The following CNBD1 variants were observed in gnomAD, a reference collection of about 807,000 sequenced individuals.
CNBD1 encodes cyclic nucleotide-binding domain-containing protein 1.
In CNBD1, 71 loss-of-function variants were observed where a neutral mutation model predicts 54.4. The ratio of observed to expected loss-of-function variants is 1.30; its 90% CI spans 1.08 to 1.59. CNBD1 has a LOEUF of 1.59. Ranked by LOEUF, CNBD1 falls within the 40% of genes most tolerant of loss-of-function variation. The pLI, the probability that CNBD1 is intolerant of heterozygous loss-of-function variation, is 0.00. For missense variants in CNBD1, 659 were observed against 518.0 expected (o/e 1.27, Z -2.64); for synonymous variants, 182 against 170.7 (o/e 1.07, Z -0.51).
At chr8:86,989,773 T>C (rs1272558711) in intron 4 of CNBD1, among the ~76,000 whole-genome samples, 2 of 152,262 alleles carry the variant, frequency 1.3e-5, no homozygotes, top group South Asian at 2.1e-4. Flanking sequence ...TATACTGTTC[T>C]TTATAGTGCT....
chr8:87,317,622 T>A (rs888854007), intron 8 of CNBD1, among the ~76,000 whole-genome samples: 5 of 151,946 alleles, frequency 3.3e-5, no homozygotes, highest in Non-Finnish European at 7.4e-5. Flanking sequence ...TTTGTATTAT[T>A]TGAATTGCCT....
In CNBD1 at chr8:86,898,264, G is replaced by A. The variant is rs1014072105; in HGVS notation, c.159-6817G>A. ...CTGATTTAACATGGGTTTTCTCTGAGGGTGGTGAAAAAGTTCAATGTTAAG... is the reference window on the plus strand; with the variant it reads ...CTGATTTAACATGGGTTTTCTCTGAAGGTGGTGAAAAAGTTCAATGTTAAG... On this transcript the variant is annotated intron_variant, in intron 2 of 10. Coordinates refer to ENST00000518476, the MANE Select transcript of CNBD1 (RefSeq NM_173538.3). 1.3e-5 allele frequency among the ~76,000 whole-genome samples: 2 copies of A among 152,246 alleles called. 1 individual carries two copies. Among genetic ancestry groups the A allele is most frequent in the Admixed American group, 1.3e-4 (2 of 15,280 alleles).
At chr8:87,169,576 A>G (rs903593248) in intron 4 of CNBD1, among the ~76,000 whole-genome samples, 2 of 151,948 alleles carry the variant, frequency 1.3e-5, no homozygotes, top group African/African-American at 4.8e-5. Flanking sequence ...TTTTGATTTT[A>G]TTTTTGTATA....
intron 10 of CNBD1, among the ~76,000 whole-genome samples, chr8:87,377,362 C>T (rs1026797016): frequency 6.7e-6 from 1 of 148,284 alleles, no homozygotes; most frequent in African/African-American, 2.5e-5. Context: ...TCCATGTGTT[C>T]TCCTTGTTCA....
chr8:87,265,184 G>T (rs1002247138), intron 6 of CNBD1, among the ~76,000 whole-genome samples: 8 of 152,058 alleles, frequency 5.3e-5, no homozygotes, highest in African/African-American at 1.9e-4. Flanking sequence ...TGTATAAGGT[G>T]TAAGGAAGGG....
chr8:86,961,317 TA>T (rs1807922879), intron 4 of CNBD1, among the ~76,000 whole-genome samples: 1 of 152,198 alleles, frequency 6.6e-6, no homozygotes, highest in Admixed American at 6.5e-5. Flanking sequence ...GTTTGATTTT[TA>T]AAAGCCAAAC....
chr8:87,305,198 C>T (rs943265172), intron 8 of CNBD1, among the ~76,000 whole-genome samples: 1 of 151,944 alleles, frequency 6.6e-6, no homozygotes, highest in African/African-American at 2.4e-5. Context: ...TATACCTAAC[C>T]AAGAAGTTGA....
At chr8:87,151,977 C>A (rs1223244940) in intron 4 of CNBD1, among the ~76,000 whole-genome samples, 4 of 151,906 alleles carry the variant, frequency 2.6e-5, no homozygotes, top group Non-Finnish European at 5.9e-5. Context: ...ACTTTTAGTA[C>A]TAAGCACTTT....
intron 6 of CNBD1, among the ~76,000 whole-genome samples, chr8:87,248,834 A>C (rs1807858148): frequency 6.6e-6 from 1 of 152,184 alleles, no homozygotes. Context: ...GGGCTTACCA[A>C]AACTGTGACT....
intron 8 of CNBD1, among the ~76,000 whole-genome samples, chr8:87,321,556 G>C (rs994283850): frequency 6.6e-6 from 1 of 152,034 alleles, no homozygotes; most frequent in African/African-American, 2.4e-5. Context: ...TTTTGCTACT[G>C]AGTTATAGAT....
intron 1 of CNBD1, among the ~76,000 whole-genome samples, chr8:86,876,624 G>C (rs187178344): frequency 6.6e-6 from 1 of 150,924 alleles, no homozygotes; most frequent in Non-Finnish European, 1.5e-5. Context: ...TACTACTTGA[G>C]TTAAAAGCTA....
At chr8:87,077,289 G>A (rs1461566076) in intron 4 of CNBD1, among the ~76,000 whole-genome samples, 2 of 152,092 alleles carry the variant, frequency 1.3e-5, no homozygotes, top group African/African-American at 4.8e-5. Flanking sequence ...AGGTCGGGCT[G>A]TCAGCAGGGT....
At chr8:87,093,120 G>A (rs1017183442) in intron 4 of CNBD1, among the ~76,000 whole-genome samples, 1 of 152,040 alleles carries the variant, frequency 6.6e-6, no homozygotes, top group African/African-American at 2.4e-5. Flanking sequence ...TATTTCTTTT[G>A]TGAACTCTTG....
rs192339465 is a variant in CNBD1 at position 86,882,042 on chromosome 8, T to C, written c.89-5500T>C. On this transcript the variant is annotated intron_variant, in intron 1 of 10. Coordinates refer to ENST00000518476, the MANE Select transcript of CNBD1 (RefSeq NM_173538.3). Reference sequence around the variant, plus strand: ...TATTCAATAATTAACTTAATATGGATTAAAGATTTAAATGTAAAACTCCAA... The same window carrying C: ...TATTCAATAATTAACTTAATATGGACTAAAGATTTAAATGTAAAACTCCAA... Among the ~76,000 whole-genome samples the C allele has an allele frequency of 5.9e-5, 9 of 152,246 alleles. No individual in the cohort carries two copies. In the East Asian group the frequency reaches 1.7e-3, roughly 29 times the overall value.
intron 10 of CNBD1, among the ~76,000 whole-genome samples, chr8:87,381,894 A>G (rs1811082870): frequency 6.6e-6 from 1 of 152,012 alleles, no homozygotes; most frequent in South Asian, 2.1e-4. Flanking sequence ...TTTCAGTTAC[A>G]CAAGATGAAT....
intron 4 of CNBD1, among the ~76,000 whole-genome samples, chr8:87,154,024 C>T (rs957232396): frequency 2.6e-5 from 4 of 152,036 alleles, no homozygotes; most frequent in African/African-American, 9.7e-5. Flanking sequence ...GAGTGGAGAG[C>T]CAGGCAGGCG....
At chr8:87,294,426 G>A (rs758341212) in intron 8 of CNBD1, among the ~76,000 whole-genome samples, 4 of 152,050 alleles carry the variant, frequency 2.6e-5, no homozygotes, top group South Asian at 4.1e-4. Context: ...CACTGAGAAC[G>A]GATTCTCAAG....
intron 3 of CNBD1, among the ~76,000 whole-genome samples, chr8:86,931,178 C>T (rs982289548): frequency 2.6e-5 from 4 of 152,136 alleles, no homozygotes; most frequent in African/African-American, 9.7e-5. Context: ...TCCCGGGATT[C>T]CTCAGATGGT....
At chr8:86,996,369 T>G (rs2130537167) in intron 4 of CNBD1, among the ~76,000 whole-genome samples, 1 of 152,330 alleles carries the variant, frequency 6.6e-6, no homozygotes, top group African/African-American at 2.4e-5. Context: ...CTGAGAATTC[T>G]CAATAAACAT....
Sources: gnomAD v4.1 joint callset for allele counts (sites outside exome capture counted in the v4.1 genomes callset) on GRCh38, gnomAD v4.1.1 for gene constraint, MANE v1.5 for transcripts, NCBI Gene and HGNC (gene_info 2026-07-23, HGNC 2026-07-21) for gene names.